The following LOXHD1 variants were observed in gnomAD, a reference collection of about 807,000 sequenced individuals.
LOXHD1 encodes the protein lipoxygenase homology PLAT domains 1, also known as lipoxygenase homology domain-containing protein 1.
LOXHD1 carries 205 observed loss-of-function variants against 248.2 expected under a neutral mutation model. The ratio of observed to expected loss-of-function variants is 0.83; its 90% CI spans 0.74 to 0.93. The LOEUF is 0.93. LOXHD1 is among the 40% of genes least tolerant of loss of function. LOXHD1 has a pLI of 0.00. For missense variants in LOXHD1, 2,930 were observed against 2,971.6 expected (o/e 0.99, Z 0.33); for synonymous variants, 1,113 against 1,162.8 (o/e 0.96, Z 0.87).
At chr18:46,625,613 AG>A (rs1346129881) in intron 4 of LOXHD1, among the ~76,000 whole-genome samples, 1 of 152,180 alleles carries the variant, frequency 6.6e-6, no homozygotes, top group Non-Finnish European at 1.5e-5. Context: ...GGGTTGAACA[AG>A]CTTGCCCTAT....
At chr18:46,582,609 G>T (rs1220878351) in intron 12 of LOXHD1, among the ~76,000 whole-genome samples, 1 of 152,176 alleles carries the variant, frequency 6.6e-6, no homozygotes, top group Non-Finnish European at 1.5e-5. Context: ...TGCATTAAAT[G>T]TATTACATTA....
intron 1 of LOXHD1, among the ~76,000 whole-genome samples, chr18:46,650,602 C>T (rs1427750967): frequency 6.6e-5 from 10 of 152,120 alleles, no homozygotes; most frequent in Admixed American, 6.5e-4. Context: ...CCCAAAGACG[C>T]CCAGCTGATT....
rs1212606775 is a variant in LOXHD1 at position 46,618,058 on chromosome 18, C to T, written c.610+134G>A. 6.3e-6 allele frequency: 4 copies of T among 636,024 alleles called. No individual in the cohort carries two copies. The East Asian group carries it at 1.1e-4, about 17-fold the overall frequency. 39.4% of individuals were successfully genotyped at this position (636,024 alleles called of 1,614,324 possible). ...CAGGACAGGTCACTCCAAACCACAT[C>T]ACAAGAAGTGAGATGCTCAATAGAG... is the stretch of plus-strand genomic sequence containing the variant. On this transcript the variant is annotated intron_variant, in intron 5 of 40. Coordinates refer to ENST00000642948, the MANE Select transcript of LOXHD1 (RefSeq NM_001384474.1).
intron 8 of LOXHD1, among the ~76,000 whole-genome samples, chr18:46,600,218 A>G (rs1266907051): frequency 3.9e-5 from 6 of 152,236 alleles, no homozygotes; most frequent in African/African-American, 1.4e-4. Context: ...TCATTCATAC[A>G]ATGGAATACT....
At chr18:46,638,970 A>T (rs1019636568) in intron 4 of LOXHD1, among the ~76,000 whole-genome samples, 1 of 152,200 alleles carries the variant, frequency 6.6e-6, no homozygotes, top group Non-Finnish European at 1.5e-5. Flanking sequence ...GGTGCCGGCA[A>T]TGTAATGCCC....
At chr18:46,612,653 A>C (rs1337687209) in intron 5 of LOXHD1, among the ~76,000 whole-genome samples, 1 of 152,084 alleles carries the variant, frequency 6.6e-6, no homozygotes. Context: ...TTATGCTTTT[A>C]ATGAATTATT....
At chr18:46,522,369 T>C (rs577096143) in intron 31 of LOXHD1, 60 bp from the exon 32 acceptor site, 25 of 1,405,358 alleles carry the variant, frequency 1.8e-5, no homozygotes, top group South Asian at 2.5e-5. Context: ...CACTGCCTCA[T>C]AGACTCACAG....
At chr18:46,629,268 A>T (rs1287144617) in intron 4 of LOXHD1, among the ~76,000 whole-genome samples, 2 of 152,188 alleles carry the variant, frequency 1.3e-5, no homozygotes, top group African/African-American at 4.8e-5. Context: ...AGAACTCAGG[A>T]TGTATAGTCC....
chr18:46,632,618 T>A (rs1377182192), intron 4 of LOXHD1, among the ~76,000 whole-genome samples: 1 of 151,970 alleles, frequency 6.6e-6, no homozygotes, highest in Non-Finnish European at 1.5e-5. Context: ...GTCACACACA[T>A]CCATGACAAC....
chr18:46,568,070 T>C (rs2037678998), intron 16 of LOXHD1, among the ~76,000 whole-genome samples: 2 of 152,248 alleles, frequency 1.3e-5, no homozygotes, highest in South Asian at 4.1e-4. Context: ...TTGATTTAAG[T>C]TCATTAACCT....
intron 22 of LOXHD1, among the ~76,000 whole-genome samples, chr18:46,545,623 A>ATTTTTTTT (rs1555676193): frequency 2.4e-4 from 21 of 86,048 alleles, no homozygotes; most frequent in Middle Eastern, 8.2e-3. Context: ...CCTCTTGGCC[A>ATTTTTTTT]TTTCTTTTTT....
intron 20 of LOXHD1, 103 bp downstream of exon 20, chr18:46,559,345 C>T: frequency 3.9e-6 from 6 of 1,548,544 alleles, no homozygotes; most frequent in Non-Finnish European, 4.4e-6. Flanking sequence ...ACAAGTCACA[C>T]TGCCAAACAC....
At chr18:46,478,792 A>G (rs907076332) in intron 40 of LOXHD1, among the ~76,000 whole-genome samples, 5 of 152,164 alleles carry the variant, frequency 3.3e-5, no homozygotes, top group African/African-American at 1.2e-4. Flanking sequence ...TCCTGGGCTC[A>G]AGTCATCCTC....
chr18:46,560,048 T>TGCCGCGCCCC, intron 19 of LOXHD1, 35 bp downstream of exon 19: 1 of 1,226,298 alleles, frequency 8.2e-7, no homozygotes, highest in Non-Finnish European at 1.1e-6. Context: ...GTCTGGCCAC[T>TGCCGCGCCCC]CCCTCCCCAC....
Position 46,545,372 on chromosome 18 carries a change from A to G in LOXHD1, c.3564T>C (p.Asn1188=). The change falls in exon 23 of 41, where the codon AAT becomes AAC. Residue 1188 remains asparagine (N), a synonymous_variant. Coordinates refer to ENST00000642948, the MANE Select transcript of LOXHD1 (RefSeq NM_001384474.1). ...TGAAGACATTAGCATCTGTGCCCGC[A>G]TTCTTCTTAACCCCAGTCTTTATGG... ...SVTIKTGVKK[N]AGTDANVFIT... 1 of 1,552,106 alleles carries G rather than the reference A, an allele frequency of 6.4e-7. No homozygotes were observed. The highest frequency in any genetic ancestry group is 8.7e-7 in the Non-Finnish European group (1 of 1,147,058).
chr18:46,636,855 A>G (rs759495894), intron 4 of LOXHD1, among the ~76,000 whole-genome samples: 8 of 152,232 alleles, frequency 5.3e-5, no homozygotes, highest in Admixed American at 2.0e-4. Flanking sequence ...AGTCATTGGA[A>G]TATTTGAAGC....
Position 46,508,224 on chromosome 18 carries a change from G to T in LOXHD1, c.5518-512C>A, listed in dbSNP as rs372493253. Among the ~76,000 whole-genome samples the T allele has an allele frequency of 3.0e-4, 45 of 152,296 alleles. No individual in the cohort carries two copies. In the East Asian group the frequency reaches 7.5e-3, roughly 26 times the overall value. On this transcript the variant is annotated intron_variant, in intron 35 of 40. Coordinates refer to ENST00000642948, the MANE Select transcript of LOXHD1 (RefSeq NM_001384474.1). ...AGACGAGGTTGCATGGGCTGACTCA[G>T]GTAGGGGACTGCAGGGCTTTGTGTT...
In LOXHD1 at chr18:46,602,072, A is replaced by G. The variant is rs149453123; in HGVS notation, c.884-605T>C. On this transcript the variant is annotated intron_variant, in intron 7 of 40. Coordinates refer to ENST00000642948, the MANE Select transcript of LOXHD1 (RefSeq NM_001384474.1). ...GTCTATCAGGAGGCAATATGAGGAC[A>G]TGGAATTCTGAGGAAGAACTAGCAA... 4.7e-3 allele frequency among the ~76,000 whole-genome samples: 717 copies of G among 152,376 alleles called. 3 individuals are homozygous for G. Among genetic ancestry groups the G allele is most frequent in the African/African-American group, 0.016 (684 of 41,586 alleles).
intron 2 of LOXHD1, among the ~76,000 whole-genome samples, chr18:46,646,365 C>T (rs1432156502): frequency 6.6e-6 from 1 of 152,268 alleles, no homozygotes; most frequent in East Asian, 1.9e-4. Flanking sequence ...AAAGCAATGC[C>T]CCTCCCAGAC....
Sources: gnomAD v4.1 joint callset for allele counts (sites outside exome capture counted in the v4.1 genomes callset) on GRCh38, gnomAD v4.1.1 for gene constraint, MANE v1.5 for transcripts, NCBI Gene and HGNC (gene_info 2026-07-23, HGNC 2026-07-21) for gene names.